The following NBEA variants were observed in gnomAD, a reference collection of about 807,000 sequenced individuals.
NBEA encodes the protein neurobeachin.
Under a neutral mutation model 343.4 loss-of-function variants are expected in NBEA, and 44 were observed. The ratio of observed to expected loss-of-function variants is 0.13; its 90% CI spans 0.10 to 0.16. The LOEUF is 0.16. Ranked by LOEUF, NBEA falls within the 10% of genes least tolerant of loss-of-function variation. The probability of loss-of-function intolerance (pLI) is 1.00; values close to 1 mark genes in which losing one functional copy is unlikely to be tolerated. For missense variants in NBEA, 2,555 were observed against 3,631.3 expected (o/e 0.70, Z 7.62); for synonymous variants, 1,175 against 1,238.7 (o/e 0.95, Z 1.08).
intron 49 of NBEA, among the ~76,000 whole-genome samples, chr13:35,641,463 G>A (rs1345443086): frequency 1.3e-5 from 2 of 152,066 alleles, no homozygotes; most frequent in Non-Finnish European, 2.9e-5. Context: ...ATTGTGTTAG[G>A]TTAATACAGG....
intron 10 of NBEA, among the ~76,000 whole-genome samples, chr13:35,095,852 TGACACA>T (rs2065306988): frequency 1.3e-5 from 2 of 152,152 alleles, no homozygotes; most frequent in South Asian, 4.1e-4. Flanking sequence ...TAGTTTTGGC[TGACACA>T]GATACTTGCT....
At position 35,417,421 on chromosome 13, in the gene NBEA, T is replaced by G. The variant is rs960003541; in HGVS notation, c.6180-14848T>G. On this transcript the variant is annotated intron_variant, in intron 38 of 58. Coordinates refer to ENST00000379939, the MANE Select transcript of NBEA (RefSeq NM_001385012.1). ...CACCGCTTTAAATGTGTCCCCGAGA[T>G]TCTGCTATGTTGTGTCTTTGTTCTC... 5.9e-5 allele frequency among the ~76,000 whole-genome samples: 9 copies of G among 152,196 alleles called. 1 individual carries two copies. In the South Asian group the frequency reaches 1.0e-3, roughly 18 times the overall value.
chr13:35,226,041 C>T (rs2074633337), intron 33 of NBEA, among the ~76,000 whole-genome samples: 1 of 152,118 alleles, frequency 6.6e-6, no homozygotes, highest in Non-Finnish European at 1.5e-5. Context: ...TGCTCATTAA[C>T]TGCTATTCCA....
At chr13:35,601,216 G>T (rs559608765) in intron 47 of NBEA, among the ~76,000 whole-genome samples, 3 of 151,880 alleles carry the variant, frequency 2.0e-5, no homozygotes, top group Admixed American at 6.6e-5. Context: ...TGAAAACCAG[G>T]GCCTGCAAAG....
At chr13:35,374,066 T>C (rs923192552) in intron 38 of NBEA, among the ~76,000 whole-genome samples, 1 of 152,226 alleles carries the variant, frequency 6.6e-6, no homozygotes, top group Non-Finnish European at 1.5e-5. Context: ...CTTTATGGTA[T>C]GGAAGCAGCC....
intron 1 of NBEA, among the ~76,000 whole-genome samples, chr13:35,020,868 C>G (rs1341434928): frequency 6.6e-6 from 1 of 151,956 alleles, no homozygotes; most frequent in Non-Finnish European, 1.5e-5. Context: ...GGGGAGGTGT[C>G]TTTTTAATCT....
chr13:35,137,488 A>G (rs1216359319), intron 17 of NBEA, among the ~76,000 whole-genome samples: 1 of 151,278 alleles, frequency 6.6e-6, no homozygotes, highest in Non-Finnish European at 1.5e-5. Flanking sequence ...AAAGAAAGTC[A>G]TCTGAAGTTT....
chr13:35,086,608 T>A (rs2064778687), intron 10 of NBEA, among the ~76,000 whole-genome samples: 1 of 152,000 alleles, frequency 6.6e-6, no homozygotes, highest in Non-Finnish European at 1.5e-5. Context: ...TGAATAGCGC[T>A]GTGTTAAACA....
intron 48 of NBEA, among the ~76,000 whole-genome samples, chr13:35,620,895 A>G (rs1364562180): frequency 6.6e-6 from 1 of 152,176 alleles, no homozygotes; most frequent in Non-Finnish European, 1.5e-5. Context: ...GGGGATGAGC[A>G]TGCGGAGTAG....
chr13:35,305,353 T>C (rs2036821447), intron 35 of NBEA, among the ~76,000 whole-genome samples: 1 of 152,184 alleles, frequency 6.6e-6, no homozygotes, highest in Admixed American at 6.5e-5. Context: ...TCTGTCTTGT[T>C]TCAGTCTACC....
chr13:35,667,708 G>A, intron 57 of NBEA, 138 bp downstream of exon 57: 6 of 798,184 alleles, frequency 7.5e-6, no homozygotes, highest in East Asian at 2.7e-5. Context: ...ATAACTTCTT[G>A]CGGACTGGTA....
intron 34 of NBEA, among the ~76,000 whole-genome samples, chr13:35,247,818 C>T (rs970578929): frequency 2.0e-5 from 3 of 151,828 alleles, no homozygotes; most frequent in Non-Finnish European, 4.4e-5. Context: ...TTCATCTCCC[C>T]CAAAATAGTT....
chr13:35,575,894 T>A (rs1319106917), intron 45 of NBEA, among the ~76,000 whole-genome samples: 1 of 152,180 alleles, frequency 6.6e-6, no homozygotes, highest in Non-Finnish European at 1.5e-5. Context: ...ACCTTTTTTT[T>A]CATGATATTG....
chr13:35,210,569 G>A (rs1294763342), intron 32 of NBEA, among the ~76,000 whole-genome samples: 1 of 152,092 alleles, frequency 6.6e-6, no homozygotes, highest in African/African-American at 2.4e-5. Context: ...TTTAAGACCA[G>A]GTACTAATGT....
At chr13:35,010,738 AAAAAT>A (rs1238884336) in intron 1 of NBEA, among the ~76,000 whole-genome samples, 3 of 32,066 alleles carry the variant, frequency 9.4e-5, no homozygotes, top group Admixed American at 4.4e-4. Flanking sequence ...AAAAAAAAAA[AAAAAT>A]ATATATATAT....
rs71078081 is a variant in NBEA at position 35,113,586 on chromosome 13, C to CATCTATCTATCTATCT, written c.2002+2637_2002+2652dup. 2.7e-3 allele frequency among the ~76,000 whole-genome samples: 393 copies of CATCTATCTATCTATCT among 146,802 alleles called. 1 individual carries two copies. Among genetic ancestry groups the CATCTATCTATCTATCT allele is most frequent in the East Asian group, 3.2e-3 (16 of 5,004 alleles). On this transcript the variant is annotated intron_variant, in intron 13 of 58. Coordinates refer to ENST00000379939, the MANE Select transcript of NBEA (RefSeq NM_001385012.1). ...GAAGAACTTGTTTTACTCCTCCACT[C>CATCTATCTATCTATCT]ATCTATCTATCTATCTATCTATCTA...
intron 34 of NBEA, among the ~76,000 whole-genome samples, chr13:35,241,025 A>G (rs2030169332): frequency 2.0e-5 from 3 of 151,834 alleles, no homozygotes; most frequent in African/African-American, 4.8e-5. Flanking sequence ...TATTCATGGT[A>G]GGAAAACTCA....
At chr13:35,047,544 A>T (rs918280009) in intron 4 of NBEA, among the ~76,000 whole-genome samples, 3 of 151,920 alleles carry the variant, frequency 2.0e-5, no homozygotes, top group Non-Finnish European at 2.9e-5. Flanking sequence ...AGAAGGAAGA[A>T]TGATTTGGAT....
At chr13:35,320,300 A>G (rs1413108965) in intron 36 of NBEA, among the ~76,000 whole-genome samples, 1 of 152,198 alleles carries the variant, frequency 6.6e-6, no homozygotes. Flanking sequence ...GGTGGTGACA[A>G]AATCTCTCAG....
Sources: allele counts gnomAD v4.1 joint callset (sites outside exome capture counted in the v4.1 genomes callset), GRCh38; gene constraint gnomAD v4.1.1; transcripts MANE v1.5; gene names NCBI Gene and HGNC (gene_info 2026-07-23, HGNC 2026-07-21).